ZCWPW2: variants seen among roughly 807,000 people sequenced by gnomAD.
The protein encoded by ZCWPW2 is zinc finger CW-type PWWP domain protein 2.
ZCWPW2 carries 45 observed loss-of-function variants against 46.6 expected under a neutral mutation model. The observed-to-expected ratio is 0.96, with a 90% CI of 0.76 to 1.24. The LOEUF is 1.24. ZCWPW2 is among the 50% of genes most tolerant of loss of function. ZCWPW2 has a pLI of 0.00. For synonymous variants in ZCWPW2, 152 were observed against 137.1 expected (o/e 1.11, Z -0.76); for missense variants, 429 against 403.9 (o/e 1.06, Z -0.53).
intron 1 of ZCWPW2, among the ~76,000 whole-genome samples, chr3:28,368,885 T>C (rs1328684598): frequency 3.9e-5 from 6 of 152,328 alleles, no homozygotes; most frequent in Non-Finnish European, 7.4e-5. Flanking sequence ...TCTAAACTTC[T>C]CTTCTCGCTT....
chr3:28,475,015 T>TA (rs945144995), intron 4 of ZCWPW2, among the ~76,000 whole-genome samples: 4 of 151,772 alleles, frequency 2.6e-5, no homozygotes, highest in Non-Finnish European at 4.4e-5. Flanking sequence ...ATTATTTTTT[T>TA]TATTTTTTAG....
intron 5 of ZCWPW2, among the ~76,000 whole-genome samples, chr3:28,480,864 CTTTT>C (rs56891846): frequency 4.3e-4 from 52 of 121,984 alleles, no homozygotes; most frequent in South Asian, 1.9e-3. Flanking sequence ...CATTTTTTTT[CTTTT>C]TTTTTTTTTT....
chr3:28,468,778 G>C (rs1458609937), intron 4 of ZCWPW2, among the ~76,000 whole-genome samples: 1 of 152,096 alleles, frequency 6.6e-6, no homozygotes, highest in East Asian at 1.9e-4. Context: ...AAAGCTGAGA[G>C]ATTTCCTCAA....
At chr3:28,502,765 C>G (rs963939061) in intron 6 of ZCWPW2, among the ~76,000 whole-genome samples, 3 of 152,052 alleles carry the variant, frequency 2.0e-5, no homozygotes, top group African/African-American at 7.2e-5. Flanking sequence ...AGGGGCTGTT[C>G]TAAGAAAGTA....
intron 4 of ZCWPW2, among the ~76,000 whole-genome samples, chr3:28,466,484 A>G (rs1342967238): frequency 6.6e-6 from 1 of 152,222 alleles, no homozygotes; most frequent in Non-Finnish European, 1.5e-5. Flanking sequence ...TTAAACTTCA[A>G]AATGCTGCTA....
chr3:28,493,099 T>TC (rs1361558554), intron 6 of ZCWPW2, among the ~76,000 whole-genome samples: 2 of 148,696 alleles, frequency 1.3e-5, no homozygotes. Flanking sequence ...GCTTTTCTTT[T>TC]TTTTTTTTTT....
At chr3:28,390,143 G>T (rs1415561678) in intron 1 of ZCWPW2, among the ~76,000 whole-genome samples, 2 of 152,166 alleles carry the variant, frequency 1.3e-5, no homozygotes, top group South Asian at 2.1e-4. Context: ...GATGTGAGTT[G>T]CTAGTGCCAG....
At chr3:28,416,819 T>C (rs1269492872) in intron 3 of ZCWPW2, among the ~76,000 whole-genome samples, 3 of 113,708 alleles carry the variant, frequency 2.6e-5, no homozygotes, top group East Asian at 2.4e-4. Context: ...GGAGTACGTT[T>C]ATTGATTTTC....
intron 1 of ZCWPW2, among the ~76,000 whole-genome samples, chr3:28,380,325 C>T (rs775444217): frequency 6.6e-6 from 1 of 152,042 alleles, no homozygotes; most frequent in African/African-American, 2.4e-5. Flanking sequence ...CCTCACCACC[C>T]GTATAAATGT....
At chr3:28,451,083 G>A (rs942581411) in intron 4 of ZCWPW2, among the ~76,000 whole-genome samples, 3 of 152,178 alleles carry the variant, frequency 2.0e-5, no homozygotes, top group African/African-American at 7.2e-5. Flanking sequence ...GACTGGTAAT[G>A]TTTGAGGTGT....
chr3:28,352,164 ACAC>A (rs1156614296), intron 1 of ZCWPW2, among the ~76,000 whole-genome samples: 92 of 147,722 alleles, frequency 6.2e-4, no homozygotes, highest in African/African-American at 2.1e-3. Flanking sequence ...ACACACACAC[ACAC>A]GAGAGAGAAT....
intron 3 of ZCWPW2, among the ~76,000 whole-genome samples, chr3:28,432,552 T>C (rs1456689746): frequency 6.6e-6 from 1 of 152,182 alleles, no homozygotes; most frequent in African/African-American, 2.4e-5. Context: ...CCTGCTTTAT[T>C]CTCTGAACAG....
rs554809749 is a variant in ZCWPW2 at position 28,351,156 on chromosome 3, T to A, written c.-134+1953T>A. ...CACTGCTTTAAAAATATATATATAT[T>A]TTTTAGAATGGCTGTTTTGGACTGA... On this transcript the variant is annotated intron_variant, in intron 1 of 9. Coordinates refer to ENST00000383768, the MANE Select transcript of ZCWPW2 (RefSeq NM_001040432.4). Among the ~76,000 whole-genome samples the A allele has an allele frequency of 2.3e-4, 35 of 151,028 alleles. 1 individual carries two copies. Among genetic ancestry groups the A allele is most frequent in the Non-Finnish European group, 3.7e-4 (25 of 67,812 alleles).
At chr3:28,370,931 C>T (rs1229527964) in intron 1 of ZCWPW2, among the ~76,000 whole-genome samples, 1 of 151,948 alleles carries the variant, frequency 6.6e-6, no homozygotes, top group East Asian at 1.9e-4. Flanking sequence ...GGGGTTTCTC[C>T]ATGTTGGTCA....
At chr3:28,405,560 C>G (rs1172797938) in intron 2 of ZCWPW2, among the ~76,000 whole-genome samples, 1 of 152,178 alleles carries the variant, frequency 6.6e-6, no homozygotes, top group Non-Finnish European at 1.5e-5. Flanking sequence ...ACTGCAACCT[C>G]TGCCTTCCAG....
intron 6 of ZCWPW2, among the ~76,000 whole-genome samples, chr3:28,493,140 T>C (rs937585100): frequency 1.2e-5 from 1 of 84,124 alleles, no homozygotes; most frequent in Non-Finnish European, 2.4e-5. Context: ...TTTATTTTAT[T>C]TTTTTTAATG....
chr3:28,475,478 T>C (rs148947850), intron 4 of ZCWPW2, among the ~76,000 whole-genome samples: 1 of 152,300 alleles, frequency 6.6e-6, no homozygotes, highest in Non-Finnish European at 1.5e-5. Context: ...ATGATTTCTT[T>C]AAAAACAGGA....
chr3:28,504,477 T>C (rs1700225999), intron 6 of ZCWPW2, among the ~76,000 whole-genome samples: 1 of 152,192 alleles, frequency 6.6e-6, no homozygotes, highest in African/African-American at 2.4e-5. Flanking sequence ...TCCTTACTAT[T>C]CTAGCTGATA....
At chr3:28,389,991 C>G (rs1159265154) in intron 1 of ZCWPW2, among the ~76,000 whole-genome samples, 2 of 152,130 alleles carry the variant, frequency 1.3e-5, no homozygotes, top group Admixed American at 6.5e-5. Flanking sequence ...CTGAAAACAC[C>G]TTCACAGGAA....
Sources: allele counts gnomAD v4.1 joint callset (sites outside exome capture counted in the v4.1 genomes callset), GRCh38; gene constraint gnomAD v4.1.1; transcripts MANE v1.5; gene names NCBI Gene and HGNC (gene_info 2026-07-23, HGNC 2026-07-21).